The following FBXW5 variants were observed in gnomAD, a reference collection of about 807,000 sequenced individuals.
The protein encoded by FBXW5 is F-box and WD repeat domain containing 5, also known as F-box/WD repeat-containing protein 5.
Under a neutral mutation model 50.9 loss-of-function variants are expected in FBXW5, and 74 were observed. The observed-to-expected ratio is 1.45, with a 90% CI of 1.20 to 1.76. The LOEUF is 1.76. Ranked by LOEUF, FBXW5 falls within the 40% of genes most tolerant of loss-of-function variation. The pLI is 0.00. For synonymous variants in FBXW5, 523 were observed against 362.2 expected (o/e 1.44, Z -5.04); for missense variants, 1,073 against 818.8 (o/e 1.31, Z -3.79).
At position 136,942,779 on chromosome 9, in the gene FBXW5, G is replaced by C; in HGVS notation, c.516C>G (p.Val172=). The C allele has an allele frequency of 6.2e-7, 1 of 1,613,018 alleles. No individual in the cohort carries two copies. Among genetic ancestry groups the C allele is most frequent in the Non-Finnish European group, 8.5e-7 (1 of 1,179,936 alleles). ...PHNSSSGEIA[V]ISLDSFALLS... The stretch of plus-strand genomic sequence containing the variant: ...GCCGCCCGTGCTCACCTAGGCTGAT[G>C]ACAGCAATCTCGCCGGATGAGGAGT... Residue 172 remains valine (V), a synonymous_variant, in exon 4 of 9, where the codon GTC becomes GTG. Transcript: ENST00000325285.
chr9:136,940,895 G>A lies in FBXW5; in HGVS notation c.*33C>T. The stretch of plus-strand genomic sequence containing the variant: ...CACAGAGCCTGGCGATGTCCTCAAG[G>A]GGTCCCGGTGGCTCCAGTGCACCCA... On this transcript the variant is annotated 3_prime_UTR_variant, in exon 9 of 9. Coordinates refer to ENST00000325285, the MANE Select transcript of FBXW5 (RefSeq NM_018998.4). 1.9e-6 allele frequency: 3 copies of A among 1,564,748 alleles called. No homozygotes were observed. The South Asian group carries it at 3.5e-5, about 18-fold the overall frequency.
Position 136,942,685 on chromosome 9 carries a change from C to A in FBXW5, c.537G>T (p.Ala179=). 3 of 1,610,564 alleles carry A rather than the reference C, an allele frequency of 1.9e-6. No individual in the cohort carries two copies. Among genetic ancestry groups the A allele is most frequent in the South Asian group, 2.2e-5 (2 of 90,786 alleles). Residue 179 remains alanine (A), a synonymous_variant, in exon 5 of 9, where the codon GCG becomes GCT. Transcript: ENST00000325285. ...EIAVISLDSF[A]LLSRVRNKPY... is the part of the protein sequence containing the mutation. ...GCTTGTTCCGCACGCGGGACAGCAG[C>A]GCGAAGGAGTCTGTGGGGAGGCCGG...
intron 3 of FBXW5, 126 bp downstream of exon 3, chr9:136,943,223 G>A (rs931102269): frequency 1.5e-6 from 2 of 1,291,954 alleles, no homozygotes; most frequent in African/African-American, 1.5e-5. Context: ...ATGCAGGGAG[G>A]CTGCTGTCAC....
intron 2 of FBXW5, 123 bp downstream of exon 2, chr9:136,943,768 T>G: frequency 2.6e-6 from 3 of 1,159,206 alleles, no homozygotes; most frequent in Non-Finnish European, 3.6e-6. Context: ...TCTATCAGGG[T>G]GTGGGGGGGT....
At position 136,941,423 on chromosome 9, in the gene FBXW5, C is replaced by T; in HGVS notation, c.1285G>A (p.Val429Met). Residue 429 changes from valine (V) to methionine (M), a missense_variant, in exon 8 of 9, where the codon GTG becomes ATG. Val to Met is a conservative substitution (Grantham distance 21). Coordinates refer to ENST00000325285, the MANE Select transcript of FBXW5 (RefSeq NM_018998.4). The stretch of plus-strand genomic sequence containing the variant: ...GGCGGCTGCATGGGGTCGGCCACCA[C>T]CGCACCGTTGGGCCAGGCGCGGCTG... ...VNSRAWPNGA[V>M]VADPMQPPPI... The T allele has an allele frequency of 6.2e-7, 1 of 1,609,812 alleles. No individual in the cohort carries two copies. Among genetic ancestry groups the T allele is most frequent in the Non-Finnish European group, 8.5e-7 (1 of 1,179,882 alleles).
In FBXW5 at chr9:136,940,661, A is replaced by C. The variant is rs1172027351; in HGVS notation, c.*267T>G. On this transcript the variant is annotated 3_prime_UTR_variant, in exon 9 of 9. Coordinates refer to ENST00000325285, the MANE Select transcript of FBXW5 (RefSeq NM_018998.4). ...CAGGTGTACCCCTAGCCTGGGGTTG[A>C]GTGAGGAGCGGCACCCCCAGTATCC... is the stretch of plus-strand genomic sequence containing the variant. 2.0e-6 allele frequency: 1 copy of C among 511,244 alleles called. No individual in the cohort carries two copies. Among genetic ancestry groups the C allele is most frequent in the Non-Finnish European group, 3.5e-6 (1 of 285,294 alleles). The allele number at this position is 511,244 out of a possible 1,614,324, so 31.7% of individuals were successfully genotyped here. A position where few individuals can be genotyped will look rare whatever the true frequency, so the allele number is the denominator to read the frequency against.
In FBXW5 at chr9:136,942,846, T is replaced by A; in HGVS notation, c.449A>T (p.Asp150Val). ...CACCCCCGAGGCCAGCAGTAGCGAG[T>A]CGTCCTTGTTGAACTGGGAGAACTG... ...YTQFSQFNKDDSLLLASGVFL... is the reference protein window; with the variant it reads ...YTQFSQFNKDVSLLLASGVFL... The change falls in exon 4 of 9, where the codon GAC (aspartate) becomes GTC (valine). Residue 150 changes from aspartate (D) to valine (V), a missense_variant. Physicochemically the swap from Asp to Val is radical, Grantham distance 152. Transcript: ENST00000325285. 1.2e-6 allele frequency: 2 copies of A among 1,613,176 alleles called. No individual in the cohort carries two copies. Among genetic ancestry groups the A allele is most frequent in the Non-Finnish European group, 1.7e-6 (2 of 1,179,950 alleles).
chr9:136,941,371 AGCAGGTCAATCTCCTCC>A lies in FBXW5; in HGVS notation c.1320_1336del (p.Glu441GlyfsTer134). On this transcript the variant is annotated frameshift_variant, in exon 8 of 9. Coordinates refer to ENST00000325285, the MANE Select transcript of FBXW5 (RefSeq NM_018998.4). LOFTEE classifies it high-confidence loss of function. ...CCGCATGGTCTTGAGGTCGAACACC[AGCAGGTCAATCTCCTCC>A]GCGATTGGTGGCGGCTGCATGGGGT... The A allele has an allele frequency of 6.2e-7, 1 of 1,611,774 alleles. No homozygotes were observed. Among genetic ancestry groups the A allele is most frequent in the Non-Finnish European group, 8.5e-7 (1 of 1,179,898 alleles).
chr9:136,942,176 C>T lies in FBXW5; in HGVS notation c.966G>A (p.Met322Ile). Residue 322 changes from methionine (M) to isoleucine (I), a missense_variant, in exon 6 of 9, where the codon ATG becomes ATA. Transcript: ENST00000325285. ...GCAGCTCGGCCACCTTGGTCTCTAG[C>T]ATGCGCTCCGACAGCTGTGGCTGCG... The part of the protein sequence containing the change: ...GRAQPQLSER[M>I]LETKVAELLA... 6.3e-7 allele frequency: 1 copy of T among 1,596,340 alleles called. No homozygotes were observed.
At chr9:136,943,665 CAG>C (rs574828937) in intron 2 of FBXW5, among the ~76,000 whole-genome samples, 159 bp from the exon 3 acceptor site, 262 of 152,264 alleles carry the variant, frequency 1.7e-3, no homozygotes, top group African/African-American at 5.6e-3. Context: ...CTGTAGCTCA[CAG>C]AGACCCCTGT....
chr9:136,943,995 C>A lies in FBXW5; in HGVS notation c.89G>T (p.Gly30Val). 2 of 1,591,298 alleles carry A rather than the reference C, an allele frequency of 1.3e-6. No homozygotes were observed. Among genetic ancestry groups the A allele is most frequent in the Admixed American group, 1.7e-5 (1 of 57,398 alleles). Reference sequence around the variant, plus strand: ...GGCCTGCCATTGGCGGCACACCAGCCCGGCGGCCAGCACGTCGGCCGGGCC... The same window carrying A: ...GGCCTGCCATTGGCGGCACACCAGCACGGCGGCCAGCACGTCGGCCGGGCC... ...SLGPADVLAA[G>V]LVCRQWQAVS... Residue 30 changes from glycine to valine, a missense_variant, in exon 2 of 9, where the codon GGG becomes GTG. Physicochemically the swap from Gly to Val is moderately radical, Grantham distance 109. Coordinates refer to ENST00000325285, the MANE Select transcript of FBXW5 (RefSeq NM_018998.4).
chr9:136,944,486 G>C, intron 1 of FBXW5, 108 bp downstream of exon 1: 1 of 983,572 alleles, frequency 1.0e-6, no homozygotes, highest in Non-Finnish European at 1.2e-6. Context: ...CGGCGGGCTC[G>C]GGGCGGACGG....
Position 136,943,496 on chromosome 9 carries a change from G to C in FBXW5, c.204C>G (p.Ser68=), listed in dbSNP as rs114180840. 1.9e-6 allele frequency: 3 copies of C among 1,608,944 alleles called. No homozygotes were observed. Among genetic ancestry groups the C allele is most frequent in the Non-Finnish European group, 1.7e-6 (2 of 1,176,934 alleles). The change falls in exon 3 of 9, where the codon TCC becomes TCG. Residue 68 remains serine (S), a synonymous_variant. Coordinates refer to ENST00000325285, the MANE Select transcript of FBXW5 (RefSeq NM_018998.4). ...RDVPRHPAAM[S]WYEEFQRLYD... ...ACAGCCGCTGGAACTCCTCGTACCA[G>C]GACATGGCCGCTGCGGGTGGGCAGT... is the stretch of plus-strand genomic sequence containing the variant.
At chr9:136,943,257 CCCA>C in intron 3 of FBXW5, 89 bp downstream of exon 3, 3 of 1,225,678 alleles carry the variant, frequency 2.4e-6, no homozygotes, top group Non-Finnish European at 3.5e-6. Flanking sequence ...CACCCCCCCC[CCCA>C]CCACCACCTG....
rs1407375554 is a variant in FBXW5, at chr9:136,942,293, G to T, written c.849C>A (p.Gly283=). The T allele has an allele frequency of 2.5e-6, 4 of 1,592,036 alleles. No individual in the cohort carries two copies. The highest frequency in any genetic ancestry group is 3.4e-6 in the Non-Finnish European group (4 of 1,170,254). The part of the protein sequence containing the change: ...ATSPCRIFDL[G]SDNEEVVAGP... ...CAGCCACCACCTCCTCGTTGTCGCTGCCCAGGTCAAAGATGCGGCAGGGGG... is the reference window on the plus strand; with the variant it reads ...CAGCCACCACCTCCTCGTTGTCGCTTCCCAGGTCAAAGATGCGGCAGGGGG... The change falls in exon 6 of 9, where the codon GGC becomes GGA. Residue 283 remains glycine, a synonymous_variant. Transcript: ENST00000325285.
At position 136,944,028 on chromosome 9, in the gene FBXW5, A is replaced by T; in HGVS notation, c.56T>A (p.Leu19Gln). Residue 19 changes from leucine (L) to glutamine (Q), a missense_variant, in exon 2 of 9, where the codon CTG becomes CAG. Coordinates refer to ENST00000325285, the MANE Select transcript of FBXW5 (RefSeq NM_018998.4). ...CAGCACGTCGGCCGGGCCCAGGCTC[A>T]GGAAGATCTGGTAGACCAGGCTGTC... ...LPDSLVYQIF[L>Q]SLGPADVLAA... 1 of 1,604,218 alleles carries T rather than the reference A, an allele frequency of 6.2e-7. No individual in the cohort carries two copies. The highest frequency in any genetic ancestry group is 1.7e-4 in the Middle Eastern group (1 of 6,042).
intron 2 of FBXW5, 26 bp from the exon 3 acceptor site, chr9:136,943,532 G>C (rs1195916192): frequency 3.1e-6 from 5 of 1,595,990 alleles, no homozygotes; most frequent in Admixed American, 1.7e-5. Flanking sequence ...TGTCAGTCCT[G>C]GGCCCGGGCC....
At chr9:136,944,281 G>GCCGGC (rs1391656577) in intron 1 of FBXW5, 175 bp from the exon 2 acceptor site, 4 of 742,544 alleles carry the variant, frequency 5.4e-6, no homozygotes, top group African/African-American at 1.9e-5. Context: ...GGCGGGCCGG[G>GCCGGC]CCGGCCCCTC....
intron 6 of FBXW5, 49 bp from the exon 7 acceptor site, chr9:136,941,733 TCACTC>T: frequency 6.6e-7 from 1 of 1,525,882 alleles, no homozygotes; most frequent in Non-Finnish European, 8.8e-7. Context: ...CCCAAGGACA[TCACTC>T]CAGGGCAGCT....
Sources: gnomAD v4.1 joint callset for allele counts (sites outside exome capture counted in the v4.1 genomes callset) on GRCh38, gnomAD v4.1.1 for gene constraint, MANE v1.5 for transcripts, NCBI Gene and HGNC (gene_info 2026-07-23, HGNC 2026-07-21) for gene names.